The following PCNX1 variants were observed in gnomAD, a reference collection of about 807,000 sequenced individuals.
PCNX1 encodes pecanex-like protein 1.
Under a neutral mutation model 242.2 loss-of-function variants are expected in PCNX1, and 78 were observed. The ratio of observed to expected loss-of-function variants is 0.32; its 90% CI spans 0.27 to 0.39. The LOEUF (loss-of-function observed/expected upper bound fraction) is 0.39. Ranked by LOEUF, PCNX1 falls within the 10% of genes least tolerant of loss-of-function variation. PCNX1 has a pLI of 1.00. For missense variants in PCNX1, 2,581 were observed against 2,856.5 expected (o/e 0.90, Z 2.20); for synonymous variants, 1,024 against 1,032.9 (o/e 0.99, Z 0.17).
Position 70,994,655 on chromosome 14 carries a change from A to C in PCNX1, c.2445-1086A>C, listed in dbSNP as rs903327241. ...TTAGTTGCAGACTCTGGGATTGTTA[A>C]AGGTAAACTTCAATCGACAGATTGC... On this transcript the variant is annotated intron_variant, in intron 7 of 35. Transcript: ENST00000304743. 1.1e-4 allele frequency among the ~76,000 whole-genome samples: 16 copies of C among 151,682 alleles called. No homozygotes were observed. The East Asian group carries it at 3.1e-3, about 29-fold the overall frequency.
chr14:71,058,007 C>G lies in PCNX1; in HGVS notation c.4852+283C>G, dbSNP rs145568047. On this transcript the variant is annotated intron_variant, in intron 26 of 35. Transcript: ENST00000304743. ...ATTTCTGTTGTTCTGTGCTTGGTCT[C>G]TTGCTGGTCCCTTTTGTGACCAGTT... Among the ~76,000 whole-genome samples, 23 of 152,252 alleles carry G rather than the reference C, an allele frequency of 1.5e-4. No homozygotes were observed. The East Asian group carries it at 3.9e-3, about 26-fold the overall frequency.
chr14:71,076,312 C>G lies in PCNX1; in HGVS notation c.5230C>G (p.Pro1744Ala), dbSNP rs762930523. Reference protein sequence around the residue: ...NYVDVDPTFNPNIDEDYDHRL... With the variant: ...NYVDVDPTFNANIDEDYDHRL... ...TGTCGATGTGGACCCGACCTTTAAT[C>G]CAAACATTGATGAAGACTATGACCA... Residue 1744 changes from proline to alanine, a missense_variant, in exon 28 of 36, where the codon CCA (proline) becomes GCA (alanine). Pro to Ala is a conservative substitution (Grantham distance 27, BLOSUM62 -1). Around this residue, in one of 9 missense-constraint regions of PCNX1, gnomAD observed 298 missense variants for 480.1 expected, o/e 0.62. Coordinates refer to ENST00000304743, the MANE Select transcript of PCNX1 (RefSeq NM_014982.3). The G allele has an allele frequency of 1.2e-6, 2 of 1,613,776 alleles. No individual in the cohort carries two copies. The highest frequency in any genetic ancestry group is 1.7e-6 in the Non-Finnish European group (2 of 1,179,876).
At chr14:70,971,629 C>G (rs1201250428) in intron 5 of PCNX1, among the ~76,000 whole-genome samples, 1 of 152,170 alleles carries the variant, frequency 6.6e-6, no homozygotes, top group South Asian at 2.1e-4. Context: ...TAGCAATCAA[C>G]ATATACTGTA....
chr14:71,035,985 A>G, intron 18 of PCNX1, 80 bp from the exon 19 acceptor site: 5 of 937,146 alleles, frequency 5.3e-6, no homozygotes. Context: ...TAATTCTTAA[A>G]CTTTGCCAAT....
At chr14:71,093,043 G>A (rs182576665) in intron 30 of PCNX1, 1 of 152,052 alleles carries the variant, frequency 6.6e-6, no homozygotes, top group African/African-American at 2.4e-5. Context: ...CTCTAATTCA[G>A]CCTCCAGATC....
At chr14:70,974,151 G>A (rs1029322313) in intron 5 of PCNX1, among the ~76,000 whole-genome samples, 7 of 149,138 alleles carry the variant, frequency 4.7e-5, no homozygotes, top group African/African-American at 1.7e-4. Context: ...GGCTAACTGT[G>A]GTATATCACT....
intron 8 of PCNX1, among the ~76,000 whole-genome samples, chr14:70,997,787 T>G (rs1052974067): frequency 1.3e-5 from 2 of 152,146 alleles, no homozygotes; most frequent in Non-Finnish European, 2.9e-5. Context: ...GCAACTGAAC[T>G]TAAAGGAATT....
In PCNX1 at chr14:71,109,806, A is replaced by G. The variant is rs2062719305; in HGVS notation, c.6897A>G (p.Arg2299=). 6.2e-6 allele frequency: 10 copies of G among 1,613,764 alleles called. No homozygotes were observed. The highest frequency in any genetic ancestry group is 6.8e-6 in the Non-Finnish European group (8 of 1,179,816). The change falls in exon 36 of 36, where the codon CGA becomes CGG. Residue 2299 remains arginine, a synonymous_variant. Coordinates refer to ENST00000304743, the MANE Select transcript of PCNX1 (RefSeq NM_014982.3). ...TTCTGAATCATTAGGTGATTCACCGATGGGTGCCTTGCAGCAGAGATCCAG... is the reference window on the plus strand; with the variant it reads ...TTCTGAATCATTAGGTGATTCACCGGTGGGTGCCTTGCAGCAGAGATCCAG... The part of the protein sequence containing the change: ...QEGMEGHVIH[R]WVPCSRDPGT...
chr14:70,978,677 T>TAAGA, intron 6 of PCNX1, 29 bp downstream of exon 6: 1 of 1,559,540 alleles, frequency 6.4e-7, no homozygotes. Context: ...GAGATTTCTG[T>TAAGA]AAGACTCACT....
rs1566813837 is a variant in PCNX1, at chr14:71,108,880, C to G, written c.6578C>G (p.Ser2193Cys). 1 of 1,614,222 alleles carries G rather than the reference C, an allele frequency of 6.2e-7. No individual in the cohort carries two copies. ...LACVQHGLPS[S>C]SSSSQSIPAC... ...TGTGTGCAGCACGGCCTGCCTTCCTCCAGCAGCTCCAGCCAAAGCATCCCA... is the reference window on the plus strand; with the variant it reads ...TGTGTGCAGCACGGCCTGCCTTCCTGCAGCAGCTCCAGCCAAAGCATCCCA... Residue 2193 changes from serine to cysteine, a missense_variant, in exon 34 of 36, where the codon TCC becomes TGC. Transcript: ENST00000304743.
At chr14:71,106,684 C>G (rs1399299895) in intron 33 of PCNX1, among the ~76,000 whole-genome samples, 1 of 151,748 alleles carries the variant, frequency 6.6e-6, no homozygotes. Context: ...TAATTTTATT[C>G]TTTTAATTTG....
chr14:70,941,614 G>A (rs1028366884), intron 1 of PCNX1, among the ~76,000 whole-genome samples: 1 of 152,190 alleles, frequency 6.6e-6, no homozygotes, highest in Non-Finnish European at 1.5e-5. Flanking sequence ...TCCATTCTCA[G>A]ATCTCAAACT....
At chr14:70,924,244 A>AAAAAG (rs2056497206) in intron 1 of PCNX1, among the ~76,000 whole-genome samples, 1 of 151,606 alleles carries the variant, frequency 6.6e-6, no homozygotes, top group African/African-American at 2.4e-5. Context: ...AAAAAAAAAA[A>AAAAAG]AAAAAGAAAA....
chr14:71,065,098 T>C (rs985412280), intron 26 of PCNX1, among the ~76,000 whole-genome samples: 4 of 152,260 alleles, frequency 2.6e-5, no homozygotes, highest in Non-Finnish European at 4.4e-5. Context: ...TGTGTCTTTA[T>C]AGTAGAATGA....
At chr14:71,098,427 A>G (rs2062359753) in intron 30 of PCNX1, among the ~76,000 whole-genome samples, 1 of 150,902 alleles carries the variant, frequency 6.6e-6, no homozygotes, top group South Asian at 2.1e-4. Context: ...ATGTTTTTCC[A>G]TTTGTGTCAT....
At chr14:71,024,079 A>G (rs1326432871) in intron 13 of PCNX1, among the ~76,000 whole-genome samples, 1 of 152,156 alleles carries the variant, frequency 6.6e-6, no homozygotes, top group South Asian at 2.1e-4. Flanking sequence ...TTCAGATACT[A>G]TTCATCCAGA....
chr14:71,114,729 G>A lies in PCNX1; in HGVS notation c.*4794G>A, dbSNP rs1384233154. On this transcript the variant is annotated 3_prime_UTR_variant, in exon 36 of 36. Coordinates refer to ENST00000304743, the MANE Select transcript of PCNX1 (RefSeq NM_014982.3). ...GTACCTGACAATTTATGATTCAGTG[G>A]AGCCAAGCTAGAAGGAACAAAGGTC... is the stretch of plus-strand genomic sequence containing the variant. 6.6e-6 allele frequency: 1 copy of A among 152,444 alleles called. No individual in the cohort carries two copies. Among genetic ancestry groups the A allele is most frequent in the Non-Finnish European group, 1.5e-5 (1 of 68,002 alleles). 9.4% of individuals were successfully genotyped at this position (152,444 alleles called of 1,614,324 possible).
chr14:70,914,847 G>C (rs1040841063), intron 1 of PCNX1, among the ~76,000 whole-genome samples: 4 of 152,174 alleles, frequency 2.6e-5, no homozygotes, highest in Admixed American at 2.6e-4. Flanking sequence ...ACCATTCGAT[G>C]AGTTTTGATA....
At chr14:71,076,163 T>C (rs780621510) in intron 27 of PCNX1, 26 bp from the exon 28 acceptor site, 28 of 971,176 alleles carry the variant, frequency 2.9e-5, no homozygotes, top group Non-Finnish European at 3.6e-5. Flanking sequence ...ATCTGAATTC[T>C]TTTTTTTTTG....
Sources: gnomAD v4.1 joint callset for allele counts (sites outside exome capture counted in the v4.1 genomes callset) on GRCh38, gnomAD v4.1.1 for gene constraint, gnomAD v4.1.1 regional missense constraint, MANE v1.5 for transcripts, NCBI Gene and HGNC (gene_info 2026-07-23, HGNC 2026-07-21) for gene names.